The following TNFAIP8L1 variants were observed in gnomAD, a reference collection of about 807,000 sequenced individuals.
TNFAIP8L1 encodes tumor necrosis factor alpha-induced protein 8-like protein 1.
For synonymous variants in TNFAIP8L1, 127 were observed against 125.6 expected, an observed-to-expected ratio of 1.01 and a Z score of -0.08; for missense variants, 225 against 266.1, an observed-to-expected ratio of 0.85 and a Z score of 1.08.
At chr19:4,646,535 C>T (rs191014660) in intron 1 of TNFAIP8L1, among the ~76,000 whole-genome samples, 2 of 152,220 alleles carry the variant, frequency 1.3e-5, no homozygotes, top group Admixed American at 6.5e-5. Flanking sequence ...CCCAAAAAAA[C>T]CTGGTTCCCA....
Position 4,641,598 on chromosome 19 carries a change from C to G in TNFAIP8L1, c.-4+1969C>G, listed in dbSNP as rs1468147484. ...TCCCCAGCTTCTAGGCCTCAGTTTC[C>G]CCATCTGTCCAATGGGGCTGGTCAT... is the stretch of plus-strand genomic sequence containing the variant. On this transcript the variant is annotated intron_variant, in intron 1 of 1. Transcript: ENST00000327473. This position sits in a 1 kb window ranked among gnomAD's most constrained non-coding sequence, Gnocchi z 4.6. The G allele has an allele frequency of 6.6e-6, 1 of 152,170 alleles. No homozygotes were observed. Among genetic ancestry groups the G allele is most frequent in the Admixed American group, 6.6e-5 (1 of 15,262 alleles). The allele number at this position is 152,170 out of a possible 1,614,324, so 9.4% of individuals were successfully genotyped here. A position where few individuals can be genotyped will look rare whatever the true frequency, so the allele number is the denominator to read the frequency against.
At chr19:4,649,272 T>C in intron 1 of TNFAIP8L1, among the ~76,000 whole-genome samples, 1 of 151,374 alleles carries the variant, frequency 6.6e-6, no homozygotes, top group East Asian at 1.9e-4. Context: ...GAGATAGAAC[T>C]AGGTCTGCAA....
chr19:4,650,669 CCAGTCCCAGCCTGGA>C (rs533470629), intron 1 of TNFAIP8L1, among the ~76,000 whole-genome samples: 1,789 of 152,172 alleles, frequency 0.012, 31 homozygotes, highest in African/African-American at 0.041. Context: ...GGCCACCTCC[CCAGTCCCAGCCTGGA>C]CGGGGGCTGT....
Position 4,652,228 on chromosome 19 carries a change from T to A in TNFAIP8L1, c.359T>A (p.Leu120Gln). 1 of 1,547,738 alleles carries A rather than the reference T, an allele frequency of 6.5e-7. No individual in the cohort carries two copies. The highest frequency in any genetic ancestry group is 8.7e-7 in the Non-Finnish European group (1 of 1,149,528). The part of the protein sequence containing the change: ...TFDRRVLAAG[L>Q]LECRDLLHQA... ...GACCGGCGCGTGCTGGCCGCCGGGC[T>A]GCTCGAGTGCCGCGACCTGCTGCAC... Residue 120 changes from leucine to glutamine, a missense_variant, in exon 2 of 2, where the codon CTG becomes CAG. Coordinates refer to ENST00000327473, the MANE Select transcript of TNFAIP8L1 (RefSeq NM_152362.3).
At chr19:4,640,408 C>A (rs879392242) in intron 1 of TNFAIP8L1, 1 of 152,236 alleles carries the variant, frequency 6.6e-6, no homozygotes, top group Non-Finnish European at 1.5e-5. Context: ...AACAGGCCGC[C>A]AGAGTTTATT....
chr19:4,644,131 G>A (rs1030902908), intron 1 of TNFAIP8L1, among the ~76,000 whole-genome samples: 2 of 152,168 alleles, frequency 1.3e-5, no homozygotes, highest in African/African-American at 2.4e-5. Flanking sequence ...TGAGGCAGGA[G>A]AATCACTTGA....
At chr19:4,644,980 G>A (rs944072726) in intron 1 of TNFAIP8L1, among the ~76,000 whole-genome samples, 2 of 152,168 alleles carry the variant, frequency 1.3e-5, no homozygotes, top group Non-Finnish European at 2.9e-5. Context: ...CACTGGCCTC[G>A]GCGGGAAGAG....
In TNFAIP8L1 at chr19:4,652,000, G is replaced by A. The variant is rs1442013132; in HGVS notation, c.131G>A (p.Arg44His). Reference protein sequence around the residue: ...TSSEVLDELYRATREFTRSRK... With the variant: ...TSSEVLDELYHATREFTRSRK... ...AGTGAGGTGCTGGATGAGCTGTACC[G>A]CGCCACCAGGGAGTTCACGCGCAGC... is the stretch of plus-strand genomic sequence containing the variant. The change falls in exon 2 of 2, where the codon CGC becomes CAC. Residue 44 changes from arginine to histidine, a missense_variant. Physicochemically the swap from Arg to His is conservative, Grantham distance 29. Coordinates refer to ENST00000327473, the MANE Select transcript of TNFAIP8L1 (RefSeq NM_152362.3). The A allele has an allele frequency of 1.2e-6, 2 of 1,614,100 alleles. No homozygotes were observed. Among genetic ancestry groups the A allele is most frequent in the Admixed American group, 3.3e-5 (2 of 60,030 alleles).
chr19:4,643,711 G>A (rs2088283852), intron 1 of TNFAIP8L1, among the ~76,000 whole-genome samples: 1 of 152,222 alleles, frequency 6.6e-6, no homozygotes, highest in Non-Finnish European at 1.5e-5. Flanking sequence ...GCCGAAGCAG[G>A]AGGATCGCTT....
intron 1 of TNFAIP8L1, among the ~76,000 whole-genome samples, chr19:4,644,983 G>A (rs902433438): frequency 6.6e-6 from 1 of 152,170 alleles, no homozygotes; most frequent in Non-Finnish European, 1.5e-5. Context: ...TGGCCTCGGC[G>A]GGAAGAGGCC....
chr19:4,646,785 C>T (rs941366071), intron 1 of TNFAIP8L1, among the ~76,000 whole-genome samples: 2 of 152,152 alleles, frequency 1.3e-5, no homozygotes, highest in Admixed American at 6.6e-5. Flanking sequence ...TGCCCGCCAC[C>T]GCGCCCCGCT....
In TNFAIP8L1 at chr19:4,652,171, C is replaced by T; in HGVS notation, c.302C>T (p.Ala101Val). ...RHRARCLAMT[A>V]VSFHQVDFTF... is the part of the protein sequence containing the mutation. Reference sequence around the variant, plus strand: ...CGGGCGCGCTGCCTGGCCATGACGGCCGTCAGCTTCCACCAGGTGGACTTC... The same window carrying T: ...CGGGCGCGCTGCCTGGCCATGACGGTCGTCAGCTTCCACCAGGTGGACTTC... The change falls in exon 2 of 2, where the codon GCC becomes GTC. Residue 101 changes from alanine to valine, a missense_variant. Coordinates refer to ENST00000327473, the MANE Select transcript of TNFAIP8L1 (RefSeq NM_152362.3). 1.3e-6 allele frequency: 2 copies of T among 1,550,444 alleles called. No homozygotes were observed. The highest frequency in any genetic ancestry group is 1.7e-6 in the Non-Finnish European group (2 of 1,149,222).
chr19:4,650,744 A>G (rs2088354632), intron 1 of TNFAIP8L1, among the ~76,000 whole-genome samples: 1 of 152,196 alleles, frequency 6.6e-6, no homozygotes, highest in Non-Finnish European at 1.5e-5. Context: ...ATGCCTTCCC[A>G]GAAACCCCAC....
intron 1 of TNFAIP8L1, chr19:4,642,307 C>T (rs1172833488): frequency 6.6e-6 from 1 of 152,108 alleles, no homozygotes; most frequent in Non-Finnish European, 1.5e-5. Context: ...AGGGCAAAAC[C>T]CTGTCTCTAC....
At chr19:4,644,614 T>TTA in intron 1 of TNFAIP8L1, among the ~76,000 whole-genome samples, 1 of 145,142 alleles carries the variant, frequency 6.9e-6, no homozygotes, top group South Asian at 2.2e-4. Context: ...GATTTTTTTT[T>TTA]TTTTTTTTTT....
chr19:4,641,448 G>C lies in TNFAIP8L1; in HGVS notation c.-4+1819G>C, dbSNP rs1347742495. 6.6e-6 allele frequency: 1 copy of C among 152,268 alleles called. No individual in the cohort carries two copies. The highest frequency in any genetic ancestry group is 1.5e-5 in the Non-Finnish European group (1 of 68,110). The allele number at this position is 152,268 out of a possible 1,614,324, so 9.4% of individuals were successfully genotyped here. A position where few individuals can be genotyped will look rare whatever the true frequency, so the allele number is the denominator to read the frequency against. Reference sequence around the variant, plus strand: ...CAGAGCGAGAGGCAGGAACGGCCCAGTTCCACAGCATGCCTGCCCCTTCCC... The same window carrying C: ...CAGAGCGAGAGGCAGGAACGGCCCACTTCCACAGCATGCCTGCCCCTTCCC... On this transcript the variant is annotated intron_variant, in intron 1 of 1. Coordinates refer to ENST00000327473, the MANE Select transcript of TNFAIP8L1 (RefSeq NM_152362.3). The surrounding 1 kb of genome is among the most constrained non-coding windows in gnomAD (Gnocchi z 4.6).
At chr19:4,651,768 A>G (rs2145173664) in intron 1 of TNFAIP8L1, 99 bp from the exon 2 acceptor site, 2 of 1,353,116 alleles carry the variant, frequency 1.5e-6, no homozygotes, top group Middle Eastern at 2.7e-4. Flanking sequence ...TAAAGAAACA[A>G]ATTCCGTTAG....
chr19:4,645,314 G>A lies in TNFAIP8L1; in HGVS notation c.-4+5685G>A, dbSNP rs1157013414. ...TGTAATCCCAGCAGTTTGGGAGGCC[G>A]AGGCGAGTAGATCACTTGAGGCCGG... is the stretch of plus-strand genomic sequence containing the variant. On this transcript the variant is annotated intron_variant, in intron 1 of 1. Coordinates refer to ENST00000327473, the MANE Select transcript of TNFAIP8L1 (RefSeq NM_152362.3). This position sits in a 1 kb window ranked among gnomAD's most constrained non-coding sequence, Gnocchi z 4.1. 1.3e-5 allele frequency among the ~76,000 whole-genome samples: 2 copies of A among 151,628 alleles called. No individual in the cohort carries two copies. The highest frequency in any genetic ancestry group is 1.9e-4 in the East Asian group (1 of 5,160).
chr19:4,644,518 C>T (rs2088291771), intron 1 of TNFAIP8L1, among the ~76,000 whole-genome samples: 1 of 151,336 alleles, frequency 6.6e-6, no homozygotes, highest in Admixed American at 6.6e-5. Flanking sequence ...GCACTCCAGC[C>T]TGGGCAACAG....
Sources: gnomAD v4.1 joint callset for allele counts (sites outside exome capture counted in the v4.1 genomes callset) on GRCh38, gnomAD v4.1.1 for gene constraint, Gnocchi (gnomAD v3.1) non-coding constraint, MANE v1.5 for transcripts, NCBI Gene and HGNC (gene_info 2026-07-23, HGNC 2026-07-21) for gene names.